The following ZFPM2 variants were observed in gnomAD, a reference collection of about 807,000 sequenced individuals.
ZFPM2 encodes the protein zinc finger protein, FOG family member 2, also known as zinc finger protein ZFPM2.
In ZFPM2, 20 loss-of-function variants were observed where a neutral mutation model predicts 98.6. That is an observed-to-expected ratio of 0.20 (90% CI 0.14 to 0.29). ZFPM2 has a LOEUF of 0.29. Among genes scored for constraint, ZFPM2 ranks in the 10% least tolerant of loss-of-function variants. ZFPM2 has a pLI of 1.00. For missense variants in ZFPM2, 1,310 were observed against 1,388.6 expected, an observed-to-expected ratio of 0.94 and a Z score of 0.90; for synonymous variants, 518 against 502.7, an observed-to-expected ratio of 1.03 and a Z score of -0.41.
At chr8:105,552,437 G>T (rs1190132434) in intron 3 of ZFPM2, among the ~76,000 whole-genome samples, 1 of 152,158 alleles carries the variant, frequency 6.6e-6, no homozygotes. Flanking sequence ...ATGTTGTCTA[G>T]AAGGTCAGGG....
chr8:105,326,759 A>G (rs769805989), intron 1 of ZFPM2, among the ~76,000 whole-genome samples: 39 of 151,412 alleles, frequency 2.6e-4, no homozygotes, highest in Non-Finnish European at 1.9e-4. Context: ...TTGAATTGCT[A>G]GAAACTGTTG....
chr8:105,413,025 C>T (rs930319635), intron 1 of ZFPM2, among the ~76,000 whole-genome samples: 1 of 151,814 alleles, frequency 6.6e-6, no homozygotes, highest in Non-Finnish European at 1.5e-5. Context: ...AGGAGGGGAA[C>T]GTTTTCCTGG....
At chr8:105,608,633 A>T (rs1816245678) in intron 4 of ZFPM2, among the ~76,000 whole-genome samples, 1 of 147,648 alleles carries the variant, frequency 6.8e-6, no homozygotes, top group Admixed American at 6.9e-5. Flanking sequence ...GAAATGGGTA[A>T]ATGTGTAGGG....
intron 4 of ZFPM2, among the ~76,000 whole-genome samples, chr8:105,606,375 G>A (rs912791443): frequency 6.6e-6 from 1 of 150,944 alleles, no homozygotes; most frequent in African/African-American, 2.4e-5. Context: ...TTTTTCATTT[G>A]AGTTGTTGTA....
intron 3 of ZFPM2, among the ~76,000 whole-genome samples, chr8:105,542,710 AT>A (rs1814605789): frequency 6.6e-6 from 1 of 152,186 alleles, no homozygotes; most frequent in African/African-American, 2.4e-5. Context: ...ACACAAAGGG[AT>A]AATTATTGAG....
intron 1 of ZFPM2, among the ~76,000 whole-genome samples, chr8:105,339,036 G>A (rs1381746831): frequency 2.0e-5 from 3 of 151,800 alleles, no homozygotes; most frequent in African/African-American, 7.2e-5. Flanking sequence ...TGAGGGATTT[G>A]TAAATGAAGC....
At chr8:105,655,022 T>C (rs1336109714) in intron 5 of ZFPM2, among the ~76,000 whole-genome samples, 1 of 152,146 alleles carries the variant, frequency 6.6e-6, no homozygotes, top group Non-Finnish European at 1.5e-5. Context: ...CTATTAATTT[T>C]AGATTGCAAC....
intron 5 of ZFPM2, among the ~76,000 whole-genome samples, chr8:105,771,173 AT>A (rs906636466): frequency 6.6e-6 from 1 of 151,660 alleles, no homozygotes; most frequent in Non-Finnish European, 1.5e-5. Context: ...CTGTACCCTG[AT>A]TTTTTTTCGC....
intron 3 of ZFPM2, among the ~76,000 whole-genome samples, chr8:105,454,606 C>G (rs541233395): frequency 6.6e-6 from 1 of 152,152 alleles, no homozygotes; most frequent in Non-Finnish European, 1.5e-5. Context: ...CAACTTTTCC[C>G]TAATAATTAT....
intron 5 of ZFPM2, among the ~76,000 whole-genome samples, chr8:105,782,667 ATTC>A (rs1450612861): frequency 1.3e-5 from 2 of 152,060 alleles, no homozygotes; most frequent in Non-Finnish European, 2.9e-5. Flanking sequence ...TACTTGTATT[ATTC>A]TTCATTATTG....
At chr8:105,520,834 A>C (rs1302445115) in intron 3 of ZFPM2, among the ~76,000 whole-genome samples, 1 of 152,052 alleles carries the variant, frequency 6.6e-6, no homozygotes, top group Non-Finnish European at 1.5e-5. Flanking sequence ...ACAACGTTAG[A>C]AAAGATATAT....
intron 3 of ZFPM2, among the ~76,000 whole-genome samples, chr8:105,498,623 A>G (rs1275875563): frequency 6.6e-6 from 1 of 152,204 alleles, no homozygotes; most frequent in Non-Finnish European, 1.5e-5. Flanking sequence ...AGCACAGTTA[A>G]ATCCCTGCAA....
intron 4 of ZFPM2, among the ~76,000 whole-genome samples, chr8:105,622,637 G>T (rs537474115): frequency 2.6e-5 from 4 of 152,216 alleles, no homozygotes; most frequent in Admixed American, 2.6e-4. Flanking sequence ...GGTCCTTTGG[G>T]TTGGGAGCAT....
intron 5 of ZFPM2, among the ~76,000 whole-genome samples, chr8:105,720,432 G>A (rs982170670): frequency 1.3e-5 from 2 of 151,750 alleles, no homozygotes; most frequent in African/African-American, 2.4e-5. Flanking sequence ...TTAATTCTTA[G>A]TGTTCACTAC....
intron 3 of ZFPM2, among the ~76,000 whole-genome samples, chr8:105,545,960 C>T (rs1179620196): frequency 1.3e-5 from 2 of 152,036 alleles, no homozygotes; most frequent in Non-Finnish European, 2.9e-5. Flanking sequence ...ATGGGTGACC[C>T]ACCTTTGATG....
chr8:105,459,335 GTGCTT>G (rs2130294059), intron 3 of ZFPM2, among the ~76,000 whole-genome samples: 1 of 152,254 alleles, frequency 6.6e-6, no homozygotes, highest in South Asian at 2.1e-4. Context: ...GCAGGGGAGG[GTGCTT>G]TGTCACTTTG....
Position 105,418,844 on chromosome 8 carries a change from CT to C in ZFPM2, c.41-298del, listed in dbSNP as rs1284211959. On this transcript the variant is annotated intron_variant, in intron 1 of 7. Coordinates refer to ENST00000407775, the MANE Select transcript of ZFPM2 (RefSeq NM_012082.4). ...TGAACATAAAGTGCACAGTTTTGCT[CT>C]TAAAGAGCGAATCAAAAAAATAAGT... 2.0e-5 allele frequency: 11 copies of C among 542,656 alleles called. No homozygotes were observed. In the Admixed American group the frequency reaches 2.2e-4, roughly 11 times the overall value. 33.6% of individuals were successfully genotyped at this position (542,656 alleles called of 1,614,324 possible).
In ZFPM2 at chr8:105,518,658, C is replaced by T. The variant is rs578101131; in HGVS notation, c.302-42705C>T. Among the ~76,000 whole-genome samples the T allele has an allele frequency of 2.0e-5, 3 of 152,240 alleles. No individual in the cohort carries two copies. The South Asian group carries it at 6.2e-4, about 32-fold the overall frequency. ...AGGAGGTGTTTTCAGTGGCAACAAG[C>T]TCTTTGAAATGTAATTGTTATGAAG... On this transcript the variant is annotated intron_variant, in intron 3 of 7. Transcript: ENST00000407775.
chr8:105,389,102 A>G (rs1401951102), intron 1 of ZFPM2, among the ~76,000 whole-genome samples: 1 of 149,720 alleles, frequency 6.7e-6, no homozygotes, highest in Non-Finnish European at 1.5e-5. Context: ...ACCCTTCTGG[A>G]TGGCCCACTT....
Sources: allele counts gnomAD v4.1 joint callset (sites outside exome capture counted in the v4.1 genomes callset), GRCh38; gene constraint gnomAD v4.1.1; transcripts MANE v1.5; gene names NCBI Gene and HGNC (gene_info 2026-07-23, HGNC 2026-07-21).